The following SLC1A3 variants were observed in gnomAD, a reference collection of about 807,000 sequenced individuals.
SLC1A3 encodes the protein solute carrier family 1 member 3, also known as excitatory amino acid transporter 1.
SLC1A3 carries 21 observed loss-of-function variants against 48.1 expected under a neutral mutation model. The observed-to-expected ratio is 0.44, with a 90% CI of 0.31 to 0.63. SLC1A3 has a LOEUF of 0.63. Ranked by LOEUF, SLC1A3 falls within the 20% of genes least tolerant of loss-of-function variation. The probability of loss-of-function intolerance (pLI) is 0.08; values close to 1 mark genes in which losing one functional copy is unlikely to be tolerated. For missense variants in SLC1A3, 546 were observed against 689.0 expected, an observed-to-expected ratio of 0.79 and a Z score of 2.32; for synonymous variants, 239 against 251.4, an observed-to-expected ratio of 0.95 and a Z score of 0.47.
intron 2 of SLC1A3, among the ~76,000 whole-genome samples, chr5:36,613,907 T>A (rs909493094): frequency 1.3e-5 from 2 of 152,100 alleles, no homozygotes; most frequent in African/African-American, 4.8e-5. Context: ...TACAGAAAAA[T>A]TGTCAGGGCT....
At chr5:36,608,772 T>C (rs1739072138) in intron 2 of SLC1A3, 168 bp downstream of exon 2, 5 of 1,443,476 alleles carry the variant, frequency 3.5e-6, no homozygotes, top group Non-Finnish European at 4.5e-6. Context: ...TTTGGCTTGT[T>C]TGGAGCAATA....
intron 2 of SLC1A3, among the ~76,000 whole-genome samples, chr5:36,618,301 A>G (rs6451304): frequency 0.16 from 24,169 of 152,206 alleles, 3,032 homozygotes; most frequent in African/African-American, 0.34. Context: ...CCAGGGTTTC[A>G]GTTTTTATCC....
At chr5:36,598,548 C>G (rs1398766329) in intron 1 of SLC1A3, among the ~76,000 whole-genome samples, 1 of 152,212 alleles carries the variant, frequency 6.6e-6, no homozygotes, top group Non-Finnish European at 1.5e-5. Flanking sequence ...CAATCACTTT[C>G]TAACAGTGCT....
chr5:36,605,821 C>T (rs1738912778), upstream of SLC1A3, among the ~76,000 whole-genome samples: 1 of 152,080 alleles, frequency 6.6e-6, no homozygotes, highest in African/African-American at 2.4e-5. Context: ...TTTTTTAGCT[C>T]TAAAAAAGTT....
intron 3 of SLC1A3, among the ~76,000 whole-genome samples, chr5:36,637,758 C>T (rs1243456846): frequency 3.3e-5 from 5 of 152,170 alleles, no homozygotes; most frequent in East Asian, 3.9e-4. Flanking sequence ...GGAATACTTC[C>T]GAAGTGAGAC....
chr5:36,602,687 C>T (rs773367106), upstream of SLC1A3, among the ~76,000 whole-genome samples: 1 of 152,184 alleles, frequency 6.6e-6, no homozygotes, highest in Non-Finnish European at 1.5e-5. Flanking sequence ...AGAAAAATAA[C>T]AGTTGGTGTA....
intron 2 of SLC1A3, chr5:36,612,823 C>G (rs1196497192): frequency 4.4e-6 from 2 of 456,032 alleles, no homozygotes; most frequent in Admixed American, 2.4e-5. Flanking sequence ...ATTCCGGCTC[C>G]AGGTGCTCAT....
At chr5:36,640,846 C>T (rs565725307) in intron 3 of SLC1A3, among the ~76,000 whole-genome samples, 1 of 152,072 alleles carries the variant, frequency 6.6e-6, no homozygotes, top group Non-Finnish European at 1.5e-5. Context: ...ACACTGCCAC[C>T]CCCACCTACA....
At chr5:36,604,155 C>T (rs974459163), upstream of SLC1A3, among the ~76,000 whole-genome samples, 12 of 152,132 alleles carry the variant, frequency 7.9e-5, no homozygotes, top group African/African-American at 2.7e-4. Flanking sequence ...AAGATCTTGA[C>T]AGATTTTTTC....
intron 3 of SLC1A3, among the ~76,000 whole-genome samples, chr5:36,642,892 C>T (rs886785804): frequency 6.6e-6 from 1 of 152,136 alleles, no homozygotes; most frequent in Admixed American, 6.5e-5. Context: ...TATATCAGTA[C>T]TTCGTTCCTT....
chr5:36,597,762 C>T (rs765220943), intron 1 of SLC1A3, among the ~76,000 whole-genome samples: 2 of 152,106 alleles, frequency 1.3e-5, no homozygotes, highest in African/African-American at 2.4e-5. Context: ...TTCCGCCTGG[C>T]ACGCCTCTCC....
At chr5:36,675,969 C>T (rs1193405181) in intron 5 of SLC1A3, among the ~76,000 whole-genome samples, 1 of 152,192 alleles carries the variant, frequency 6.6e-6, no homozygotes, top group Non-Finnish European at 1.5e-5. Context: ...CAATCACCAT[C>T]AAGATCAGGA....
At chr5:36,599,592 C>G (rs557801083) in intron 1 of SLC1A3, among the ~76,000 whole-genome samples, 3 of 142,886 alleles carry the variant, frequency 2.1e-5, no homozygotes, top group South Asian at 4.5e-4. Flanking sequence ...TCACTGCAAG[C>G]TCCGCCTCCA....
chr5:36,614,064 G>C (rs1426526647), intron 2 of SLC1A3, among the ~76,000 whole-genome samples: 3 of 152,116 alleles, frequency 2.0e-5, no homozygotes, highest in Non-Finnish European at 4.4e-5. Context: ...GAGTCAGACA[G>C]CCTAGGTTTA....
chr5:36,674,028 T>G (rs1580031452), intron 4 of SLC1A3, 21 bp from the exon 5 acceptor site: 1 of 1,610,400 alleles, frequency 6.2e-7, no homozygotes, highest in Non-Finnish European at 8.5e-7. Flanking sequence ...ATTTTGCAAG[T>G]GACTATTACT....
intron 3 of SLC1A3, among the ~76,000 whole-genome samples, chr5:36,638,943 G>A (rs1254167927): frequency 6.6e-6 from 1 of 152,202 alleles, no homozygotes; most frequent in Non-Finnish European, 1.5e-5. Context: ...TGGGATTATA[G>A]GCATGAGTCA....
chr5:36,658,611 TTTTG>T lies in SLC1A3; in HGVS notation c.320-12406_320-12403del, dbSNP rs550516512. Among the ~76,000 whole-genome samples the T allele has an allele frequency of 2.0e-3, 306 of 152,270 alleles. 8 individuals are homozygous for T. The highest frequency in any genetic ancestry group is 0.017 in the Admixed American group (261 of 15,296). On this transcript the variant is annotated intron_variant, in intron 3 of 9. Transcript: ENST00000265113. ...AGATTTTAGATTTCTAAGCAGTTTT[TTTTG>T]TTTGTTTGTTTAATCAAAGCTGCCC...
chr5:36,640,204 G>A (rs969132368), intron 3 of SLC1A3, among the ~76,000 whole-genome samples: 8 of 152,204 alleles, frequency 5.3e-5, no homozygotes, highest in East Asian at 1.9e-4. Flanking sequence ...GCTGAAGGAC[G>A]GATTTACCTG....
chr5:36,640,882 G>C (rs1740591574), intron 3 of SLC1A3, among the ~76,000 whole-genome samples: 1 of 151,808 alleles, frequency 6.6e-6, no homozygotes, highest in Admixed American at 6.6e-5. Flanking sequence ...TTTTATAGCA[G>C]ATATTTTATT....
Sources: gnomAD v4.1 joint callset for allele counts (sites outside exome capture counted in the v4.1 genomes callset) on GRCh38, gnomAD v4.1.1 for gene constraint, MANE v1.5 for transcripts, NCBI Gene and HGNC (gene_info 2026-07-23, HGNC 2026-07-21) for gene names.